SH3GL2: variants seen among roughly 807,000 people sequenced by gnomAD.
The protein encoded by SH3GL2 is endophilin-A1.
SH3GL2 carries 24 observed loss-of-function variants against 46.0 expected under a neutral mutation model. The observed-to-expected ratio is 0.52, with a 90% CI of 0.38 to 0.73. The LOEUF (loss-of-function observed/expected upper bound fraction) is 0.73. Among genes scored for constraint, SH3GL2 ranks in the 30% least tolerant of loss-of-function variants. SH3GL2 has a pLI of 0.00. For missense variants in SH3GL2, 413 were observed against 424.2 expected (o/e 0.97, Z 0.23); for synonymous variants, 196 against 147.1 (o/e 1.33, Z -2.40).
chr9:17,720,442 G>A (rs1220856113), intron 1 of SH3GL2, among the ~76,000 whole-genome samples: 1 of 152,064 alleles, frequency 6.6e-6, no homozygotes, highest in Admixed American at 6.6e-5. Flanking sequence ...AACAGAAAAG[G>A]GAAAGTGAAG....
At chr9:17,639,993 A>G (rs1436945686) in intron 1 of SH3GL2, among the ~76,000 whole-genome samples, 1 of 152,298 alleles carries the variant, frequency 6.6e-6, no homozygotes, top group South Asian at 2.1e-4. Flanking sequence ...GCATTTGACT[A>G]CAGAAAGTAC....
chr9:17,771,365 A>G (rs1374472629), intron 3 of SH3GL2, among the ~76,000 whole-genome samples: 1 of 152,104 alleles, frequency 6.6e-6, no homozygotes, highest in African/African-American at 2.4e-5. Flanking sequence ...CTTAGTAGGG[A>G]CTCAAGAAAT....
chr9:17,646,641 G>A (rs1819825450), intron 1 of SH3GL2, among the ~76,000 whole-genome samples: 1 of 152,068 alleles, frequency 6.6e-6, no homozygotes, highest in Non-Finnish European at 1.5e-5. Context: ...TCTTCTGCAG[G>A]CCTGATGGAG....
At chr9:17,765,812 G>A (rs1174320864) in intron 3 of SH3GL2, among the ~76,000 whole-genome samples, 1 of 152,272 alleles carries the variant, frequency 6.6e-6, no homozygotes, top group African/African-American at 2.4e-5. Flanking sequence ...CATGAGTTCA[G>A]CACTGTGCCT....
In SH3GL2 at chr9:17,584,560, A is replaced by G. The variant is rs537276936; in HGVS notation, c.45+5273A>G. 3.9e-5 allele frequency among the ~76,000 whole-genome samples: 6 copies of G among 152,308 alleles called. No homozygotes were observed. The East Asian group carries it at 5.8e-4, about 15-fold the overall frequency. On this transcript the variant is annotated intron_variant, in intron 1 of 8. Coordinates refer to ENST00000380607, the MANE Select transcript of SH3GL2 (RefSeq NM_003026.5). ...CAGGAGAAAGTGGATGTTTCTTACA[A>G]TAATCACTCCAACAGTTCTGTTACT...
At chr9:17,631,572 T>G in intron 1 of SH3GL2, among the ~76,000 whole-genome samples, 1 of 152,208 alleles carries the variant, frequency 6.6e-6, no homozygotes, top group East Asian at 1.9e-4. Flanking sequence ...CCCATCATAC[T>G]GGATGTTCAC....
At chr9:17,760,746 A>C (rs944710576) in intron 2 of SH3GL2, among the ~76,000 whole-genome samples, 1 of 152,192 alleles carries the variant, frequency 6.6e-6, no homozygotes, top group African/African-American at 2.4e-5. Context: ...GATGCTGATA[A>C]GAAAAGGATT....
chr9:17,738,483 T>TAC (rs1012442741), intron 1 of SH3GL2, among the ~76,000 whole-genome samples: 3 of 150,000 alleles, frequency 2.0e-5, no homozygotes, highest in Admixed American at 6.7e-5. Context: ...TACTTATGTA[T>TAC]ACACACACAC....
Position 17,693,365 on chromosome 9 carries a change from G to A in SH3GL2, c.46-53701G>A, listed in dbSNP as rs141043696. ...AGGCTTAATGGATGCTCTTTTGGTT[G>A]CATTAGATGGATGAAGAAACAAAGA... On this transcript the variant is annotated intron_variant, in intron 1 of 8. Coordinates refer to ENST00000380607, the MANE Select transcript of SH3GL2 (RefSeq NM_003026.5). Among the ~76,000 whole-genome samples, 6 of 152,202 alleles carry A rather than the reference G, an allele frequency of 3.9e-5. No homozygotes were observed. In the East Asian group the frequency reaches 1.2e-3, roughly 29 times the overall value.
intron 1 of SH3GL2, among the ~76,000 whole-genome samples, chr9:17,716,148 C>T (rs954078115): frequency 2.0e-5 from 3 of 152,048 alleles, no homozygotes; most frequent in African/African-American, 7.2e-5. Context: ...ATATCCTTGT[C>T]AAACAATTGT....
chr9:17,586,710 C>T (rs1177835775), intron 1 of SH3GL2, among the ~76,000 whole-genome samples: 8 of 152,106 alleles, frequency 5.3e-5, no homozygotes, highest in East Asian at 3.9e-4. Context: ...CGTCAGCTCT[C>T]GTGAGAATTC....
intron 1 of SH3GL2, among the ~76,000 whole-genome samples, chr9:17,692,172 A>C (rs183118561): frequency 1.3e-5 from 2 of 152,248 alleles, no homozygotes; most frequent in African/African-American, 4.8e-5. Flanking sequence ...GATGTTAAAA[A>C]AGTAGAGGGT....
intron 1 of SH3GL2, among the ~76,000 whole-genome samples, chr9:17,677,222 A>G (rs185772193): frequency 6.6e-6 from 1 of 152,254 alleles, no homozygotes; most frequent in Non-Finnish European, 1.5e-5. Context: ...GCAAACGTGG[A>G]ACTCTGTTCA....
chr9:17,711,184 G>C (rs1210368377), intron 1 of SH3GL2, among the ~76,000 whole-genome samples: 1 of 151,952 alleles, frequency 6.6e-6, no homozygotes, highest in East Asian at 1.9e-4. Context: ...AATGTGAGCT[G>C]CTACTGAAGT....
intron 1 of SH3GL2, among the ~76,000 whole-genome samples, chr9:17,716,521 G>A (rs1821764507): frequency 6.6e-6 from 1 of 152,132 alleles, no homozygotes; most frequent in Non-Finnish European, 1.5e-5. Flanking sequence ...TGTGCAGTGG[G>A]AATAGGCACT....
intron 1 of SH3GL2, among the ~76,000 whole-genome samples, chr9:17,744,037 T>A (rs570719965): frequency 6.6e-6 from 1 of 152,266 alleles, no homozygotes; most frequent in East Asian, 1.9e-4. Flanking sequence ...ATATAGTGAG[T>A]TTCCTGACAT....
intron 1 of SH3GL2, among the ~76,000 whole-genome samples, chr9:17,677,103 A>G (rs367707005): frequency 1.3e-5 from 2 of 152,184 alleles, no homozygotes; most frequent in Admixed American, 6.5e-5. Flanking sequence ...TTAGAGGTTG[A>G]GCAAGATTTT....
intron 1 of SH3GL2, among the ~76,000 whole-genome samples, chr9:17,712,966 G>A (rs549753622): frequency 6.6e-6 from 1 of 151,096 alleles, no homozygotes; most frequent in Admixed American, 6.6e-5. Flanking sequence ...TGATCATAGA[G>A]AAAAAGCATT....
intron 1 of SH3GL2, among the ~76,000 whole-genome samples, chr9:17,626,212 G>C (rs1301080169): frequency 6.6e-6 from 1 of 152,196 alleles, no homozygotes; most frequent in Non-Finnish European, 1.5e-5. Flanking sequence ...CCTGGCACCT[G>C]CTTCTTTTAT....
Sources: gnomAD v4.1 joint callset for allele counts (sites outside exome capture counted in the v4.1 genomes callset) on GRCh38, gnomAD v4.1.1 for gene constraint, MANE v1.5 for transcripts, NCBI Gene and HGNC (gene_info 2026-07-23, HGNC 2026-07-21) for gene names.